The following MGLL variants were observed in gnomAD, a reference collection of about 807,000 sequenced individuals.
MGLL encodes the protein monoglyceride lipase.
In MGLL, 7 loss-of-function variants were observed where a neutral mutation model predicts 29.1. The observed-to-expected ratio is 0.24, with a 90% confidence interval of 0.14 to 0.45. The LOEUF (loss-of-function observed/expected upper bound fraction) is 0.45. Among genes scored for constraint, MGLL ranks in the 20% least tolerant of loss-of-function variants. The probability of loss-of-function intolerance (pLI) is 0.99; values close to 1 mark genes in which losing one functional copy is unlikely to be tolerated. For synonymous variants in MGLL, 148 were observed against 168.3 expected (o/e 0.88, Z 0.93); for missense variants, 356 against 413.6 (o/e 0.86, Z 1.21).
chr3:127,793,719 G>A (rs1350508623), intron 2 of MGLL, among the ~76,000 whole-genome samples: 11 of 152,054 alleles, frequency 7.2e-5, no homozygotes, highest in Non-Finnish European at 1.5e-4. Flanking sequence ...CTGCCACCAC[G>A]CCCAGCTAAT....
intron 2 of MGLL, among the ~76,000 whole-genome samples, chr3:127,803,899 T>A (rs2077521149): frequency 6.6e-6 from 1 of 152,190 alleles, no homozygotes; most frequent in South Asian, 2.1e-4. Flanking sequence ...TCACCACCAC[T>A]TTCAGGACGG....
chr3:127,715,849 T>C (rs2075804084), intron 5 of MGLL: 1 of 455,668 alleles, frequency 2.2e-6, no homozygotes, highest in Non-Finnish European at 4.4e-6. Context: ...GGGGAGTTGC[T>C]CACCCAAAAA....
intron 2 of MGLL, among the ~76,000 whole-genome samples, chr3:127,807,920 C>T (rs761999975): frequency 3.0e-4 from 46 of 151,856 alleles, no homozygotes; most frequent in Non-Finnish European, 5.4e-4. Flanking sequence ...CACCACCATA[C>T]CCAGCTAATT....
chr3:127,776,551 G>C (rs1373554926), intron 3 of MGLL, among the ~76,000 whole-genome samples: 4 of 152,184 alleles, frequency 2.6e-5, no homozygotes, highest in Non-Finnish European at 5.9e-5. Context: ...AGGCATTGAG[G>C]ATGCCCTGAG....
Position 127,746,918 on chromosome 3 carries a change from G to A in MGLL, c.263-24352C>T, listed in dbSNP as rs369670553. Among the ~76,000 whole-genome samples the A allele has an allele frequency of 2.4e-4, 36 of 152,236 alleles. No individual in the cohort carries two copies. The East Asian group carries it at 3.1e-3, about 13-fold the overall frequency. ...CCTTCCTGAATTTTCCTCAGGGGAC[G>A]GGGTCTAGGAAGCTGGTCCCTGGGG... On this transcript the variant is annotated intron_variant, in intron 3 of 7. Transcript: ENST00000265052.
At chr3:127,703,173 T>A (rs2075531921) in intron 6 of MGLL, among the ~76,000 whole-genome samples, 1 of 152,206 alleles carries the variant, frequency 6.6e-6, no homozygotes, top group African/African-American at 2.4e-5. Flanking sequence ...TCAACCTCTT[T>A]CTGTCCTTTG....
intron 2 of MGLL, among the ~76,000 whole-genome samples, chr3:127,807,337 G>A (rs1348065684): frequency 6.6e-6 from 1 of 151,954 alleles, no homozygotes; most frequent in Non-Finnish European, 1.5e-5. Flanking sequence ...ATTCCTGATT[G>A]TAGTAATTCA....
chr3:127,764,886 T>A (rs1007324713), intron 3 of MGLL, among the ~76,000 whole-genome samples: 3 of 152,096 alleles, frequency 2.0e-5, no homozygotes, highest in Non-Finnish European at 1.5e-5. Context: ...TCCTTTTTAA[T>A]CCCCCTACTG....
At chr3:127,807,526 C>CT (rs1343867698) in intron 2 of MGLL, among the ~76,000 whole-genome samples, 6 of 151,656 alleles carry the variant, frequency 4.0e-5, no homozygotes, top group African/African-American at 1.5e-4. Flanking sequence ...TTAACTTGCT[C>CT]TTCTTTTTTC....
At chr3:127,744,050 G>A (rs2076395714) in intron 3 of MGLL, among the ~76,000 whole-genome samples, 1 of 152,068 alleles carries the variant, frequency 6.6e-6, no homozygotes, top group South Asian at 2.1e-4. Flanking sequence ...TTTACTAATT[G>A]ACAACAGCTT....
chr3:127,712,496 AT>A (rs1488065522), intron 5 of MGLL: 1 of 152,212 alleles, frequency 6.6e-6, no homozygotes, highest in Non-Finnish European at 1.5e-5. Flanking sequence ...CTTTTCTCAA[AT>A]GGTAGAAATC....
chr3:127,795,172 T>C (rs551359864), intron 2 of MGLL, among the ~76,000 whole-genome samples: 2 of 152,328 alleles, frequency 1.3e-5, no homozygotes, highest in South Asian at 2.1e-4. Flanking sequence ...GGTACATATA[T>C]GCAATGGAAT....
rs1263948132 is a variant in MGLL at position 127,689,565 on chromosome 3, C to T, written c.*2633G>A. On this transcript the variant is annotated 3_prime_UTR_variant, in exon 8 of 8. Coordinates refer to ENST00000265052, the MANE Select transcript of MGLL (RefSeq NM_007283.7). ...GGTGCTTGGGCCTTGTGTGCCAGGCCTCTCTGGGTCCCCTCCCTGGCCTTT... is the reference window on the plus strand; with the variant it reads ...GGTGCTTGGGCCTTGTGTGCCAGGCTTCTCTGGGTCCCCTCCCTGGCCTTT... The T allele has an allele frequency of 1.3e-5, 2 of 152,532 alleles. No homozygotes were observed. Among genetic ancestry groups the T allele is most frequent in the Non-Finnish European group, 2.9e-5 (2 of 68,226 alleles). The allele number at this position is 152,532 out of a possible 1,614,324, so 9.4% of individuals were successfully genotyped here.
intron 2 of MGLL, among the ~76,000 whole-genome samples, chr3:127,795,159 G>T (rs1391692137): frequency 9.2e-5 from 14 of 152,150 alleles, no homozygotes; most frequent in Non-Finnish European, 2.1e-4. Context: ...ATAAAGAAAA[G>T]GTGGTACATA....
chr3:127,822,321 T>C lies in MGLL; in HGVS notation c.-3A>G, dbSNP rs1267318792. 4 of 1,613,710 alleles carry C rather than the reference T, an allele frequency of 2.5e-6. No individual in the cohort carries two copies. Among genetic ancestry groups the C allele is most frequent in the Non-Finnish European group, 2.5e-6 (3 of 1,179,686 alleles). ...ATACATGACAAACCTGTTTCCATTA[T>C]GTGCTGGCGTTTGCATTCCACAACC... On this transcript the variant is annotated 5_prime_UTR_variant, in exon 1 of 8. Coordinates refer to ENST00000265052, the MANE Select transcript of MGLL (RefSeq NM_007283.7).
intron 2 of MGLL, among the ~76,000 whole-genome samples, chr3:127,790,458 T>G (rs2077280957): frequency 6.6e-6 from 1 of 152,206 alleles, no homozygotes; most frequent in African/African-American, 2.4e-5. Context: ...AAGACCTTTC[T>G]TAACCAGTAC....
In MGLL at chr3:127,821,870, G is replaced by C. The variant is rs568579464; in HGVS notation, c.11-32C>G. ...GGAAAAGTGACATATTCCAAAGTCAGAAATATCTCAAGAACATGTATGGAT... is the reference window on the plus strand; with the variant it reads ...GGAAAAGTGACATATTCCAAAGTCACAAATATCTCAAGAACATGTATGGAT... On this transcript the variant is annotated intron_variant, in intron 1 of 7. Transcript: ENST00000265052. 8 of 1,606,934 alleles carry C rather than the reference G, an allele frequency of 5.0e-6. No individual in the cohort carries two copies. In the South Asian group the frequency reaches 8.8e-5, roughly 18 times the overall value.
rs528682682 is a variant in MGLL, at chr3:127,736,673, CTT to C, written c.263-14109_263-14108del. Among the ~76,000 whole-genome samples the C allele has an allele frequency of 1.1e-4, 17 of 152,332 alleles. No homozygotes were observed. In the South Asian group the frequency reaches 3.3e-3, roughly 30 times the overall value. ...CCAGGCCATCAGGCCTGCTACTCCT[CTT>C]GTTTGTTTATTTATTTATTTGTGTA... is the stretch of plus-strand genomic sequence containing the variant. On this transcript the variant is annotated intron_variant, in intron 3 of 7. Coordinates refer to ENST00000265052, the MANE Select transcript of MGLL (RefSeq NM_007283.7).
At chr3:127,707,924 T>C (rs2075633786) in intron 6 of MGLL, among the ~76,000 whole-genome samples, 1 of 152,210 alleles carries the variant, frequency 6.6e-6, no homozygotes, top group Non-Finnish European at 1.5e-5. Flanking sequence ...GCTTCTGACA[T>C]TCTGGCAACA....
Sources: gnomAD v4.1 joint callset for allele counts (sites outside exome capture counted in the v4.1 genomes callset) on GRCh38, gnomAD v4.1.1 for gene constraint, MANE v1.5 for transcripts, NCBI Gene and HGNC (gene_info 2026-07-23, HGNC 2026-07-21) for gene names.